SLC24A2: variants seen among roughly 807,000 people sequenced by gnomAD.
SLC24A2 encodes sodium/potassium/calcium exchanger 2.
SLC24A2 carries 36 observed loss-of-function variants against 62.0 expected under a neutral mutation model. The ratio of observed to expected loss-of-function variants is 0.58; its 90% CI spans 0.44 to 0.77. SLC24A2 has a LOEUF of 0.77. Among genes scored for constraint, SLC24A2 ranks in the 30% least tolerant of loss-of-function variants. The pLI, the probability that SLC24A2 is intolerant of heterozygous loss-of-function variation, is 0.00. For missense variants in SLC24A2, 846 were observed against 817.9 expected (o/e 1.03, Z -0.42); for synonymous variants, 358 against 294.0 (o/e 1.22, Z -2.23).
the SLC24A2 span, among the ~76,000 whole-genome samples, chr9:20,049,260 T>C: frequency 6.6e-6 from 1 of 152,178 alleles, no homozygotes; most frequent in East Asian, 1.9e-4. Context: ...ATCACATCGA[T>C]CCATCAATGA....
chr9:19,762,153 G>T (rs1483863567), intron 2 of SLC24A2, among the ~76,000 whole-genome samples: 1 of 152,008 alleles, frequency 6.6e-6, no homozygotes, highest in East Asian at 1.9e-4. Context: ...ACTTTTTGAT[G>T]GGGTTGTTTT....
At chr9:19,618,745 G>A (rs1817832923) in intron 4 of SLC24A2, among the ~76,000 whole-genome samples, 1 of 152,152 alleles carries the variant, frequency 6.6e-6, no homozygotes, top group African/African-American at 2.4e-5. Context: ...TTCCTAGGCT[G>A]TATTAGCTCC....
intron 5 of SLC24A2, among the ~76,000 whole-genome samples, chr9:19,589,507 A>G (rs1201835554): frequency 1.3e-5 from 2 of 152,234 alleles, no homozygotes; most frequent in Non-Finnish European, 1.5e-5. Flanking sequence ...ATAACAAAAA[A>G]TAGTTAAAAT....
chr9:20,273,018 G>A, the SLC24A2 span, among the ~76,000 whole-genome samples: 4 of 152,164 alleles, frequency 2.6e-5, no homozygotes, highest in African/African-American at 9.7e-5. Context: ...TGGCTGCCAG[G>A]GTCTGGGAAG....
chr9:19,954,478 A>T, the SLC24A2 span, among the ~76,000 whole-genome samples: 1 of 152,112 alleles, frequency 6.6e-6, no homozygotes, highest in African/African-American at 2.4e-5. Flanking sequence ...AACATAGGCT[A>T]TCCCAGATAA....
At chr9:19,781,347 G>A (rs528380215) in intron 2 of SLC24A2, among the ~76,000 whole-genome samples, 1 of 152,088 alleles carries the variant, frequency 6.6e-6, no homozygotes, top group South Asian at 2.1e-4. Flanking sequence ...GAGAGGAAAA[G>A]AAGGACAAAG....
intron 4 of SLC24A2, among the ~76,000 whole-genome samples, chr9:19,618,470 T>C (rs1304926185): frequency 6.6e-6 from 1 of 152,188 alleles, no homozygotes; most frequent in Non-Finnish European, 1.5e-5. Flanking sequence ...AGATGATTTG[T>C]GATTGAAACG....
chr9:19,958,107 G>T, the SLC24A2 span: 1 of 152,334 alleles, frequency 6.6e-6, no homozygotes, highest in Admixed American at 6.5e-5. Context: ...AGGGAATGCT[G>T]CTCATGGCTA....
At chr9:20,236,886 A>C in the SLC24A2 span, among the ~76,000 whole-genome samples, 2 of 151,840 alleles carry the variant, frequency 1.3e-5, no homozygotes, top group Non-Finnish European at 2.9e-5. Context: ...TCATTTCCTA[A>C]CTATTGCTGC....
intron 5 of SLC24A2, among the ~76,000 whole-genome samples, chr9:19,582,478 G>C (rs1221597088): frequency 6.6e-6 from 1 of 152,170 alleles, no homozygotes; most frequent in Non-Finnish European, 1.5e-5. Context: ...GATGCAAAGA[G>C]AGTGGCCAAA....
the SLC24A2 span, among the ~76,000 whole-genome samples, chr9:20,274,673 C>T: frequency 2.0e-5 from 3 of 152,174 alleles, no homozygotes; most frequent in African/African-American, 7.2e-5. Context: ...AGGGCTAGGC[C>T]TCCTGCCTTG....
chr9:19,535,959 T>G (rs971895014), intron 8 of SLC24A2, among the ~76,000 whole-genome samples: 1 of 150,330 alleles, frequency 6.7e-6, no homozygotes, highest in Non-Finnish European at 1.5e-5. Flanking sequence ...TGATAGTGAT[T>G]CTTCCTATCC....
At chr9:19,684,121 A>G (rs1819806824) in intron 2 of SLC24A2, among the ~76,000 whole-genome samples, 1 of 152,158 alleles carries the variant, frequency 6.6e-6, no homozygotes, top group South Asian at 2.1e-4. Context: ...CTGATGGGCA[A>G]TCTTTTCAGG....
At chr9:19,979,128 C>G in the SLC24A2 span, among the ~76,000 whole-genome samples, 1 of 152,198 alleles carries the variant, frequency 6.6e-6, no homozygotes, top group Admixed American at 6.5e-5. Context: ...TTTCTGGCAG[C>G]TTTTCAGCAT....
intron 6 of SLC24A2, among the ~76,000 whole-genome samples, chr9:19,574,707 AT>A (rs1176041846): frequency 6.0e-5 from 9 of 150,764 alleles, no homozygotes; most frequent in Non-Finnish European, 7.4e-5. Context: ...CACTAGAATA[AT>A]TTTTTTTTTG....
At position 19,787,072 on chromosome 9, in the gene SLC24A2, A is replaced by C. The variant is rs541472600; in HGVS notation, c.-153-53T>G. ...GTAAATCATAAAATCACGTCTTTTT[A>C]ATAAAGATCTTTGCAGATATGATAA... On this transcript the variant is annotated intron_variant, in intron 1 of 10. Coordinates refer to ENST00000341998, the MANE Select transcript of SLC24A2 (RefSeq NM_020344.4). 9 of 1,310,630 alleles carry C rather than the reference A, an allele frequency of 6.9e-6. No individual in the cohort carries two copies. The Admixed American group carries it at 2.5e-4, about 37-fold the overall frequency. The allele number at this position is 1,310,630 out of a possible 1,614,324, so 81.2% of individuals were successfully genotyped here.
At chr9:19,823,205 T>C in the SLC24A2 span, among the ~76,000 whole-genome samples, 1 of 152,102 alleles carries the variant, frequency 6.6e-6, no homozygotes. Context: ...CTATATGTTT[T>C]TTATTTTTAC....
the SLC24A2 span, among the ~76,000 whole-genome samples, chr9:19,850,061 T>C: frequency 6.6e-6 from 1 of 151,506 alleles, no homozygotes. Context: ...TGTAGGGCTA[T>C]GTTTCTGAGT....
At chr9:19,539,590 T>A (rs1214850215) in intron 8 of SLC24A2, among the ~76,000 whole-genome samples, 2 of 83,888 alleles carry the variant, frequency 2.4e-5, no homozygotes, top group African/African-American at 1.0e-4. Context: ...TAATTTCTGT[T>A]CTTTTACATT....
Sources: gnomAD v4.1 joint callset for allele counts (sites outside exome capture counted in the v4.1 genomes callset) on GRCh38, gnomAD v4.1.1 for gene constraint, MANE v1.5 for transcripts, NCBI Gene and HGNC (gene_info 2026-07-23, HGNC 2026-07-21) for gene names.